Variants in FXYD7 observed in about 807,000 individuals in gnomAD.
The protein encoded by FXYD7 is FXYD domain-containing ion transport regulator 7.
Under a neutral mutation model 15.3 loss-of-function variants are expected in FXYD7, and 7 were observed. The observed-to-expected ratio is 0.46, with a 90% CI of 0.26 to 0.86. The LOEUF is 0.86. Ranked by LOEUF, FXYD7 falls within the 40% of genes least tolerant of loss-of-function variation. The probability of loss-of-function intolerance (pLI) is 0.16; values close to 1 mark genes in which losing one functional copy is unlikely to be tolerated. For synonymous variants in FXYD7, 39 were observed against 39.3 expected (o/e 0.99, Z 0.03); for missense variants, 78 against 100.6 (o/e 0.78, Z 0.96).
At position 35,148,033 on chromosome 19, in the gene FXYD7, AAG is replaced by A. The variant is rs1301597084; in HGVS notation, c.32-659_32-658del. Among the ~76,000 whole-genome samples the A allele has an allele frequency of 2.1e-4, 7 of 34,110 alleles. No homozygotes were observed. The South Asian group carries it at 5.5e-3, about 27-fold the overall frequency. The allele number at this position is 34,110 out of a possible 152,430, so 22.4% of individuals were successfully genotyped here. On this transcript the variant is annotated intron_variant, in intron 1 of 5. Transcript: ENST00000270310. ...GAAAGAAAGAAGAAAGAAGGAAAGA[AAG>A]AAAGAAAGAAAGAAAGAAAGAAAGA...
intron 1 of FXYD7, among the ~76,000 whole-genome samples, chr19:35,144,642 G>A (rs557569422): frequency 6.1e-5 from 9 of 148,724 alleles, no homozygotes; most frequent in Admixed American, 4.6e-4. Context: ...GAAGCAGGGC[G>A]GGGGGTGGGG....
At chr19:35,153,811 C>T (rs146718628) in intron 5 of FXYD7, 83 bp from the exon 6 acceptor site, 1 of 1,326,338 alleles carries the variant, frequency 7.5e-7, no homozygotes, top group Non-Finnish European at 1.1e-6. Flanking sequence ...TTCCATGGTG[C>T]CGGGGAATGG....
At chr19:35,146,918 C>T (rs1025823005) in intron 1 of FXYD7, among the ~76,000 whole-genome samples, 5 of 152,140 alleles carry the variant, frequency 3.3e-5, no homozygotes, top group Admixed American at 1.3e-4. Context: ...CAGTCAGTTT[C>T]GGCTACAGCA....
chr19:35,151,666 C>T lies in FXYD7; in HGVS notation c.213C>T (p.Pro71=). The change falls in exon 5 of 6, where the codon CCC becomes CCT. Residue 71 remains proline, a synonymous_variant. Transcript: ENST00000270310. ...PTCKSCKSEL[P]SSAPGGGGV ...GCAAATCCTGTAAGTCTGAGCTTCC[C>T]TCTTCAGGTGAGGGTGAGAAACTGT... 6.2e-7 allele frequency: 1 copy of T among 1,612,350 alleles called. No homozygotes were observed.
Position 35,154,024 on chromosome 19 carries a change from G to A in FXYD7, c.*108G>A, listed in dbSNP as rs1010788356. ...GCGCGCCGGGAGCGCTCCCCGGAAT[G>A]AGCCGCCCCACCCACCCCAAGGCTG... is the stretch of plus-strand genomic sequence containing the variant. On this transcript the variant is annotated 3_prime_UTR_variant, in exon 6 of 6. Coordinates refer to ENST00000270310, the MANE Select transcript of FXYD7 (RefSeq NM_022006.2). The A allele has an allele frequency of 1.9e-5, 19 of 1,023,364 alleles. No individual in the cohort carries two copies. Among genetic ancestry groups the A allele is most frequent in the East Asian group, 7.4e-5 (3 of 40,734 alleles). The allele number at this position is 1,023,364 out of a possible 1,614,324, so 63.4% of individuals were successfully genotyped here. A position where few individuals can be genotyped will look rare whatever the true frequency, so the allele number is the denominator to read the frequency against.
Position 35,143,777 on chromosome 19 carries a change from C to A in FXYD7, c.31+413C>A, listed in dbSNP as rs557412618. The stretch of plus-strand genomic sequence containing the variant: ...GTGGGCAAGGGAAGGGGAGGAGGTT[C>A]ATGTCCCTCTTCTTTCCAGTGCTGT... On this transcript the variant is annotated intron_variant, in intron 1 of 5. Coordinates refer to ENST00000270310, the MANE Select transcript of FXYD7 (RefSeq NM_022006.2). The surrounding 1 kb of genome is among the most constrained non-coding windows in gnomAD (Gnocchi z 4.3). Among the ~76,000 whole-genome samples the A allele has an allele frequency of 1.3e-5, 2 of 152,278 alleles. No individual in the cohort carries two copies. The highest frequency in any genetic ancestry group is 2.9e-5 in the Non-Finnish European group (2 of 68,004).
intron 1 of FXYD7, among the ~76,000 whole-genome samples, chr19:35,145,361 G>GAAGAT (rs2065285765): frequency 6.6e-6 from 1 of 152,206 alleles, no homozygotes; most frequent in Admixed American, 6.5e-5. Context: ...GGGCAGCAGG[G>GAAGAT]ACCAGAGGAG....
intron 1 of FXYD7, among the ~76,000 whole-genome samples, chr19:35,147,467 C>A (rs1339655275): frequency 6.6e-6 from 1 of 152,102 alleles, no homozygotes; most frequent in Non-Finnish European, 1.5e-5. Flanking sequence ...TCTGAGCTCT[C>A]CTGCAGGGGA....
chr19:35,146,071 C>T (rs937973892), intron 1 of FXYD7, among the ~76,000 whole-genome samples: 3 of 152,200 alleles, frequency 2.0e-5, no homozygotes, highest in Non-Finnish European at 4.4e-5. Context: ...GGCCACCATG[C>T]CCAACCCAGG....
rs71167517 is a variant in FXYD7 at position 35,152,134 on chromosome 19, C to CAAAAAAAAAAAAAAAAAAAA, written c.220+463_220+482dup. ...AGCCTGGGTGATAGAGTGAGACTGT[C>CAAAAAAAAAAAAAAAAAAAA]AAAAAAAAAAAAAAAAAAAAAGAGG... On this transcript the variant is annotated intron_variant, in intron 5 of 5. Coordinates refer to ENST00000270310, the MANE Select transcript of FXYD7 (RefSeq NM_022006.2). Among the ~76,000 whole-genome samples the CAAAAAAAAAAAAAAAAAAAA allele has an allele frequency of 6.6e-4, 30 of 45,136 alleles. 4 individuals carry two copies. The highest frequency in any genetic ancestry group is 2.0e-3 in the African/African-American group (23 of 11,512). The allele number at this position is 45,136 out of a possible 152,430, so 29.6% of individuals were successfully genotyped here.
intron 1 of FXYD7, among the ~76,000 whole-genome samples, chr19:35,145,258 C>A (rs752573941): frequency 1.3e-5 from 2 of 152,260 alleles, no homozygotes; most frequent in African/African-American, 4.8e-5. Flanking sequence ...TTCCTGATAT[C>A]TCTTTGGCAG....
intron 5 of FXYD7, among the ~76,000 whole-genome samples, chr19:35,151,952 A>G (rs546664784): frequency 6.6e-6 from 1 of 151,970 alleles, no homozygotes; most frequent in Admixed American, 6.5e-5. Flanking sequence ...CAGCCCGGCC[A>G]ACATGGTGAA....
chr19:35,151,196 G>A, intron 2 of FXYD7, 58 bp from the exon 3 acceptor site: 2 of 1,133,952 alleles, frequency 1.8e-6, no homozygotes, highest in Non-Finnish European at 1.3e-6. Context: ...CCAGGACTGG[G>A]CTCCAGGTGC....
rs2065275966 is a variant in FXYD7, at chr19:35,143,359, CA to C, written c.29del (p.Lys10ArgfsTer21). 2.6e-6 allele frequency: 4 copies of C among 1,521,578 alleles called. No individual in the cohort carries two copies. Among genetic ancestry groups the C allele is most frequent in the Non-Finnish European group, 3.5e-6 (4 of 1,136,216 alleles). 94.3% of individuals were successfully genotyped at this position (1,521,578 alleles called of 1,614,324 possible). A position where few individuals can be genotyped will look rare whatever the true frequency, so the allele number is the denominator to read the frequency against. The stretch of plus-strand genomic sequence containing the variant: ...ATGGCGACCCCGACCCAGACCCCCA[CA>C]AAGGGTGAGCGTCGTTTGGGGAGGG... MATPTQTPTKAPEEPDPFY... is the reference protein window; with the variant it reads MATPTQTPXKAPEEPDPFY... On this transcript the variant is annotated frameshift_variant, in exon 1 of 6. Coordinates refer to ENST00000270310, the MANE Select transcript of FXYD7 (RefSeq NM_022006.2). LOFTEE classifies it high-confidence loss of function. The surrounding 1 kb of genome is among the most constrained non-coding windows in gnomAD (Gnocchi z 4.3).
chr19:35,149,616 C>G (rs1275172947), intron 2 of FXYD7: 1 of 154,296 alleles, frequency 6.5e-6, no homozygotes, highest in Non-Finnish European at 1.4e-5. Context: ...ATTCATATCT[C>G]AACAAATACT....
Position 35,151,254 on chromosome 19 carries a change from A to C in FXYD7, c.62A>C (p.Asp21Ala). The C allele has an allele frequency of 6.3e-7, 1 of 1,591,752 alleles. No individual in the cohort carries two copies. The highest frequency in any genetic ancestry group is 8.6e-7 in the Non-Finnish European group (1 of 1,159,712). Reference sequence around the variant, plus strand: ...CGATGTCCCCCATTATCTTCCCCAGACTACAACACGGTGCAGACTGTGGGC... The same window carrying C: ...CGATGTCCCCCATTATCTTCCCCAGCCTACAACACGGTGCAGACTGTGGGC... ...APEEPDPFYY[D>A]YNTVQTVGMT... is the part of the protein sequence containing the mutation. Residue 21 changes from aspartate (D) to alanine (A), a missense_variant and splice_region_variant, in exon 3 of 6, where the codon GAC becomes GCC. By Grantham distance (126) the Asp-to-Ala change is moderately radical. Coordinates refer to ENST00000270310, the MANE Select transcript of FXYD7 (RefSeq NM_022006.2).
At chr19:35,153,344 G>A (rs1480333562) in intron 5 of FXYD7, among the ~76,000 whole-genome samples, 1 of 152,162 alleles carries the variant, frequency 6.6e-6, no homozygotes, top group Non-Finnish European at 1.5e-5. Flanking sequence ...ACAGGCGTGA[G>A]CCACAGCGCT....
intron 1 of FXYD7, among the ~76,000 whole-genome samples, chr19:35,145,566 C>T (rs1313968991): frequency 6.6e-6 from 1 of 152,200 alleles, no homozygotes; most frequent in Non-Finnish European, 1.5e-5. Flanking sequence ...TCCCAGAAAA[C>T]TTGAAGAGCC....
chr19:35,146,736 G>A (rs1011921769), intron 1 of FXYD7, among the ~76,000 whole-genome samples: 5 of 152,184 alleles, frequency 3.3e-5, no homozygotes, highest in African/African-American at 1.2e-4. Context: ...AAGACTTGGA[G>A]CCCAAGGCCT....
Sources: gnomAD v4.1 joint callset for allele counts (sites outside exome capture counted in the v4.1 genomes callset) on GRCh38, gnomAD v4.1.1 for gene constraint, Gnocchi (gnomAD v3.1) non-coding constraint, MANE v1.5 for transcripts, NCBI Gene and HGNC (gene_info 2026-07-23, HGNC 2026-07-21) for gene names.